The following SH3TC1 variants were observed in gnomAD, a reference collection of about 807,000 sequenced individuals.
SH3TC1 encodes SH3 domain and tetratricopeptide repeat-containing protein 1.
Under a neutral mutation model 117.3 loss-of-function variants are expected in SH3TC1, and 135 were observed. The observed-to-expected ratio is 1.15, with a 90% CI of 1.00 to 1.33. The LOEUF is 1.33. Ranked by LOEUF, SH3TC1 falls within the 40% of genes most tolerant of loss-of-function variation. The pLI is 0.00. For missense variants in SH3TC1, 2,092 were observed against 1,794.3 expected, an observed-to-expected ratio of 1.17 and a Z score of -3.00; for synonymous variants, 898 against 816.9, an observed-to-expected ratio of 1.10 and a Z score of -1.69.
At chr4:8,215,371 C>A in intron 5 of SH3TC1, 1 of 406,084 alleles carries the variant, frequency 2.5e-6, no homozygotes, top group South Asian at 1.7e-5. Flanking sequence ...AGAATTGTAG[C>A]CACAATTCCC....
intron 17 of SH3TC1, among the ~76,000 whole-genome samples, chr4:8,238,563 A>ACCCCGCCCCGTATC (rs1722029966): frequency 6.6e-6 from 1 of 151,372 alleles, no homozygotes. Flanking sequence ...CAACCCTAAG[A>ACCCCGCCCCGTATC]CCCCGCCCCG....
In SH3TC1 at chr4:8,210,911, G is replaced by C. The variant is rs905988146; in HGVS notation, c.247+1089G>C. Among the ~76,000 whole-genome samples, 1 of 151,790 alleles carries C rather than the reference G, an allele frequency of 6.6e-6. No individual in the cohort carries two copies. The highest frequency in any genetic ancestry group is 2.4e-5 in the African/African-American group (1 of 41,154). Reference sequence around the variant, plus strand: ...TAGGGGGTGAGGGTGTTTGCTCAAGGGTCCCCTAGCAGAAAACTCTCAGGC... The same window carrying C: ...TAGGGGGTGAGGGTGTTTGCTCAAGCGTCCCCTAGCAGAAAACTCTCAGGC... On this transcript the variant is annotated intron_variant, in intron 3 of 17. Coordinates refer to ENST00000245105, the MANE Select transcript of SH3TC1 (RefSeq NM_018986.5). The surrounding 1 kb of genome is among the most constrained non-coding windows in gnomAD (Gnocchi z 4.1).
At chr4:8,185,952 G>C (rs1172667297) in intron 1 of SH3TC1, among the ~76,000 whole-genome samples, 1 of 152,228 alleles carries the variant, frequency 6.6e-6, no homozygotes, top group Non-Finnish European at 1.5e-5. Context: ...GATGCCCAGT[G>C]CTGCCACTCC....
chr4:8,236,364 G>C lies in SH3TC1; in HGVS notation c.3492G>C (p.Thr1164=). ...LCNKLVALLA[T]LEEPQEGLEF... ...ACAAGCTGGTGGCACTGCTGGCCACGCTGGAGGAGCCCCAGGAGGGCTTGG... is the reference window on the plus strand; with the variant it reads ...ACAAGCTGGTGGCACTGCTGGCCACCCTGGAGGAGCCCCAGGAGGGCTTGG... The change falls in exon 16 of 18, where the codon ACG becomes ACC. Residue 1164 remains threonine, a synonymous_variant. Transcript: ENST00000245105. 6.5e-7 allele frequency: 1 copy of C among 1,546,884 alleles called. No homozygotes were observed. The highest frequency in any genetic ancestry group is 8.7e-7 in the Non-Finnish European group (1 of 1,145,196).
rs554795259 is a variant in SH3TC1 at position 8,189,670 on chromosome 4, G to A, written c.-57+7460G>A. Among the ~76,000 whole-genome samples the A allele has an allele frequency of 3.0e-4, 45 of 152,328 alleles. No individual in the cohort carries two copies. The East Asian group carries it at 6.6e-3, about 22-fold the overall frequency. On this transcript the variant is annotated intron_variant, in intron 1 of 16. Coordinates refer to the SH3TC1 transcript ENST00000508641. ...CCATCTGCTAAGATTCAGGGCCGGC[G>A]GGGGGCAGTAGGTGTCCAGTTCTGG...
At chr4:8,226,139 A>G (rs571275498) in intron 11 of SH3TC1, among the ~76,000 whole-genome samples, 2 of 152,212 alleles carry the variant, frequency 1.3e-5, no homozygotes, top group South Asian at 2.1e-4. Context: ...TGAAACAGAG[A>G]GTCTATTTAA....
rs918686224 is a variant in SH3TC1 at position 8,210,828 on chromosome 4, G to C, written c.247+1006G>C. 6.6e-6 allele frequency among the ~76,000 whole-genome samples: 1 copy of C among 151,552 alleles called. No individual in the cohort carries two copies. The highest frequency in any genetic ancestry group is 1.5e-5 in the Non-Finnish European group (1 of 67,940). ...AATGATGGGCTGGTGCCTCCTGTTGGGGGAGTGGATTCCAGATTCCAGAAG... is the reference window on the plus strand; with the variant it reads ...AATGATGGGCTGGTGCCTCCTGTTGCGGGAGTGGATTCCAGATTCCAGAAG... On this transcript the variant is annotated intron_variant, in intron 3 of 17. Transcript: ENST00000245105. The surrounding 1 kb of genome is among the most constrained non-coding windows in gnomAD (Gnocchi z 4.1).
intron 1 of SH3TC1, among the ~76,000 whole-genome samples, chr4:8,185,965 G>A (rs1312350259): frequency 6.6e-6 from 1 of 152,222 alleles, no homozygotes. Context: ...GCCACTCCAG[G>A]AGGTGCCACA....
chr4:8,230,460 ATCTT>A (rs1161275557), intron 12 of SH3TC1, among the ~76,000 whole-genome samples: 1 of 152,046 alleles, frequency 6.6e-6, no homozygotes, highest in Admixed American at 6.5e-5. Flanking sequence ...TTTGTGTCCC[ATCTT>A]TCTTTTCTTG....
rs55997931 is a variant in SH3TC1, at chr4:8,217,082, A to C, written c.754A>C (p.Thr252Pro). 2.0e-5 allele frequency: 33 copies of C among 1,613,000 alleles called. No homozygotes were observed. The highest frequency in any genetic ancestry group is 2.7e-5 in the Non-Finnish European group (32 of 1,179,664). ...ACCCCAGGGAGAGGCGGCCCCGGAA[A>C]CAGACTCTTCACCGCCGAGCCCCAG... Reference protein sequence around the residue: ...GAPQGEAAPETDSSPPSPSVS... With the variant: ...GAPQGEAAPEPDSSPPSPSVS... Residue 252 changes from threonine to proline, a missense_variant, in exon 7 of 18, where the codon ACA becomes CCA. Physicochemically the swap from Thr to Pro is conservative, Grantham distance 38 (BLOSUM62 -1). Coordinates refer to ENST00000245105, the MANE Select transcript of SH3TC1 (RefSeq NM_018986.5).
In SH3TC1 at chr4:8,205,023, G is replaced by C. The variant is rs189576800; in HGVS notation, c.-28-144G>C. On this transcript the variant is annotated intron_variant, in intron 1 of 17. Transcript: ENST00000245105. The surrounding 1 kb of genome is among the most constrained non-coding windows in gnomAD (Gnocchi z 5.4). ...TCACGCCCACCACAACACGGTGCAC[G>C]GTGCGGTGAGGGGCTCGCTGGATCT... The C allele has an allele frequency of 1.7e-6, 1 of 576,120 alleles. No individual in the cohort carries two copies. The highest frequency in any genetic ancestry group is 2.9e-6 in the Non-Finnish European group (1 of 349,986). The allele number at this position is 576,120 out of a possible 1,614,324, so 35.7% of individuals were successfully genotyped here.
At position 8,225,211 on chromosome 4, in the gene SH3TC1, A is replaced by G. The variant is rs772459048; in HGVS notation, c.1280A>G (p.Glu427Gly). 1.2e-6 allele frequency: 2 copies of G among 1,613,618 alleles called. No homozygotes were observed. Among genetic ancestry groups the G allele is most frequent in the South Asian group, 2.2e-5 (2 of 90,980 alleles). The change falls in exon 11 of 18, where the codon GAA becomes GGA. Residue 427 changes from glutamate to glycine, a missense_variant. Coordinates refer to ENST00000245105, the MANE Select transcript of SH3TC1 (RefSeq NM_018986.5). The surrounding 1 kb of genome is among the most constrained non-coding windows in gnomAD (Gnocchi z 5.5). ...GAAGCTGAGACCGAGCAGCCGCAGG[A>G]AAAAGGTGGGTTTTGCCAGTGGCTC... The part of the protein sequence containing the change: ...VEEAETEQPQ[E>G]KEIPPPCLSL...
intron 17 of SH3TC1, among the ~76,000 whole-genome samples, chr4:8,239,386 G>A (rs1205024008): frequency 2.3e-5 from 3 of 133,162 alleles, no homozygotes; most frequent in African/African-American, 9.0e-5. Flanking sequence ...CACAGGCACA[G>A]GCCCCATGTA....
In SH3TC1 at chr4:8,209,362, C is replaced by A. The variant is rs375883246; in HGVS notation, c.173-386C>A. Among the ~76,000 whole-genome samples the A allele has an allele frequency of 1.3e-5, 2 of 152,142 alleles. No individual in the cohort carries two copies. Among genetic ancestry groups the A allele is most frequent in the African/African-American group, 4.8e-5 (2 of 41,426 alleles). On this transcript the variant is annotated intron_variant, in intron 2 of 17. Coordinates refer to ENST00000245105, the MANE Select transcript of SH3TC1 (RefSeq NM_018986.5). This position sits in a 1 kb window ranked among gnomAD's most constrained non-coding sequence, Gnocchi z 5.9. ...AGTGACAAAGCGGAAGTAGAAGTGG[C>A]GGCCACAAGCCGAGGGACGTGTGCG...
chr4:8,211,416 T>C (rs55734226), intron 3 of SH3TC1, among the ~76,000 whole-genome samples: 88 of 1,088 alleles, frequency 0.081, 11 homozygotes, highest in African/African-American at 0.28. Context: ...CTCCCCCTCC[T>C]GGTTTCTCCC....
At chr4:8,193,843 A>G (rs997910627) in intron 1 of SH3TC1, among the ~76,000 whole-genome samples, 2 of 152,210 alleles carry the variant, frequency 1.3e-5, no homozygotes, top group East Asian at 3.9e-4. Context: ...CCCTGCTGGT[A>G]TGGGGGCAGG....
At chr4:8,214,406 A>G in intron 4 of SH3TC1, 69 bp from the exon 5 acceptor site, 2 of 1,427,274 alleles carry the variant, frequency 1.4e-6, no homozygotes, top group Admixed American at 1.7e-5. Flanking sequence ...TGTCATGTGG[A>G]CGCTGTCCTC....
chr4:8,182,783 C>A (rs989336523), intron 1 of SH3TC1, among the ~76,000 whole-genome samples: 1 of 152,202 alleles, frequency 6.6e-6, no homozygotes, highest in Non-Finnish European at 1.5e-5. Context: ...TCTTCCCCTG[C>A]ACCCTGTGTC....
rs1718159027 is a variant in SH3TC1, at chr4:8,205,809, G to A, written c.172+443G>A. 7 of 601,552 alleles carry A rather than the reference G, an allele frequency of 1.2e-5. No individual in the cohort carries two copies. The highest frequency in any genetic ancestry group is 4.0e-5 in the South Asian group (2 of 50,458). 37.3% of individuals were successfully genotyped at this position (601,552 alleles called of 1,614,324 possible). ...CTGTGGTCAGGGGCCGGGCCAGGAC[G>A]TGTGCCCAGTTTCCTGAATTCCCGG... On this transcript the variant is annotated intron_variant, in intron 2 of 17. Transcript: ENST00000245105. This position sits in a 1 kb window ranked among gnomAD's most constrained non-coding sequence, Gnocchi z 5.4.
Sources: allele counts gnomAD v4.1 joint callset (sites outside exome capture counted in the v4.1 genomes callset), GRCh38; gene constraint gnomAD v4.1.1; non-coding constraint Gnocchi (gnomAD v3.1); transcripts MANE v1.5; gene names NCBI Gene and HGNC (gene_info 2026-07-23, HGNC 2026-07-21).